CYB5B: variants seen among roughly 807,000 people sequenced by gnomAD.
The protein encoded by CYB5B is cytochrome b5 type B (outer mitochondrial membrane).
In CYB5B, 14 loss-of-function variants were observed where a neutral mutation model predicts 21.3. The observed-to-expected ratio is 0.66, with a 90% CI of 0.43 to 1.03. The LOEUF is 1.03. Ranked by LOEUF, CYB5B falls within the 50% of genes least tolerant of loss-of-function variation. The pLI, the probability that CYB5B is intolerant of heterozygous loss-of-function variation, is 0.00. For missense variants in CYB5B, 166 were observed against 185.1 expected (o/e 0.90, Z 0.60); for synonymous variants, 69 against 68.4 (o/e 1.01, Z -0.04).
chr16:69,447,980 T>C, intron 2 of CYB5B, 135 bp from the exon 3 acceptor site: 2 of 875,396 alleles, frequency 2.3e-6, no homozygotes, highest in Non-Finnish European at 3.6e-6. Flanking sequence ...GGTATCTTTC[T>C]ATGGATCCTC....
chr16:69,441,246 C>G (rs546977887), intron 1 of CYB5B, among the ~76,000 whole-genome samples: 1 of 151,678 alleles, frequency 6.6e-6, no homozygotes, highest in Non-Finnish European at 1.5e-5. Context: ...CTCCGCCTCC[C>G]GCGTTCAAGT....
At chr16:69,436,086 T>C (rs2014757242) in intron 1 of CYB5B, among the ~76,000 whole-genome samples, 1 of 152,242 alleles carries the variant, frequency 6.6e-6, no homozygotes, top group Non-Finnish European at 1.5e-5. Flanking sequence ...TACTTTCATT[T>C]ATTTATTCAT....
chr16:69,434,759 A>C (rs1003972398), intron 1 of CYB5B, among the ~76,000 whole-genome samples: 13 of 150,384 alleles, frequency 8.6e-5, no homozygotes, highest in African/African-American at 3.2e-4. Flanking sequence ...GCTACTTGGG[A>C]GGCTGAGGCA....
At chr16:69,456,427 ATTTG>A (rs1286368793) in intron 3 of CYB5B, among the ~76,000 whole-genome samples, 1 of 152,218 alleles carries the variant, frequency 6.6e-6, no homozygotes, top group African/African-American at 2.4e-5. Context: ...CTTAACAGCA[ATTTG>A]TTTTAGAACC....
intron 1 of CYB5B, among the ~76,000 whole-genome samples, chr16:69,436,450 G>T (rs1383838164): frequency 6.6e-6 from 1 of 152,114 alleles, no homozygotes; most frequent in African/African-American, 2.4e-5. Context: ...CAGCCAGCTG[G>T]TTTGCCTCTC....
At chr16:69,448,367 T>C in intron 3 of CYB5B, 1 of 545,552 alleles carries the variant, frequency 1.8e-6, no homozygotes, top group Non-Finnish European at 3.2e-6. Flanking sequence ...TATACGCTTT[T>C]TTTTTTTAAC....
chr16:69,432,804 CT>C (rs1208253665), intron 1 of CYB5B, among the ~76,000 whole-genome samples: 8 of 148,390 alleles, frequency 5.4e-5, no homozygotes, highest in East Asian at 2.0e-4. Context: ...GCCTGTACTC[CT>C]TTTTTTTTTG....
chr16:69,437,665 C>T (rs760595371), intron 1 of CYB5B, among the ~76,000 whole-genome samples: 3 of 152,034 alleles, frequency 2.0e-5, no homozygotes, highest in African/African-American at 7.3e-5. Context: ...AATTCAGTGG[C>T]GTTAATTACG....
In CYB5B at chr16:69,464,977, G is replaced by A. The variant is rs895871467; in HGVS notation, c.*2457G>A. ...AAAGCTAAATCTTGTGTGAGAGTTT[G>A]CAGAGGTTTTTCTATACAATAAAGT... On this transcript the variant is annotated 3_prime_UTR_variant, in exon 5 of 5. Transcript: ENST00000307892. 7.2e-5 allele frequency: 11 copies of A among 152,548 alleles called. No homozygotes were observed. Among genetic ancestry groups the A allele is most frequent in the African/African-American group, 2.7e-4 (11 of 41,450 alleles). 9.4% of individuals were successfully genotyped at this position (152,548 alleles called of 1,614,324 possible).
At chr16:69,441,393 A>T (rs1225502500) in intron 1 of CYB5B, among the ~76,000 whole-genome samples, 2 of 152,110 alleles carry the variant, frequency 1.3e-5, no homozygotes, top group Non-Finnish European at 2.9e-5. Context: ...TGACCTCGTG[A>T]TCCGCCCGCC....
intron 3 of CYB5B, chr16:69,449,782 A>G (rs2014914236): frequency 6.6e-6 from 1 of 152,370 alleles, no homozygotes; most frequent in South Asian, 2.1e-4. Context: ...GGTGATAAGT[A>G]GGTAGCTAAG....
Position 69,463,958 on chromosome 16 carries a change from C to G in CYB5B, c.*1438C>G, listed in dbSNP as rs2015061480. 6.6e-6 allele frequency: 1 copy of G among 152,186 alleles called. No homozygotes were observed. The highest frequency in any genetic ancestry group is 6.5e-5 in the Admixed American group (1 of 15,268). 9.4% of individuals were successfully genotyped at this position (152,186 alleles called of 1,614,324 possible). A position where few individuals can be genotyped will look rare whatever the true frequency, so the allele number is the denominator to read the frequency against. ...TAGTACACTGGCTGTTTTCTGCCAG[C>G]AACTGTGGTGATTTTTCTCCCTGTC... On this transcript the variant is annotated 3_prime_UTR_variant, in exon 5 of 5. Transcript: ENST00000307892.
chr16:69,441,817 G>A (rs571526397), intron 1 of CYB5B, among the ~76,000 whole-genome samples: 1 of 152,130 alleles, frequency 6.6e-6, no homozygotes, highest in Admixed American at 6.5e-5. Flanking sequence ...TACTTAACCT[G>A]TCTTTGATGA....
intron 3 of CYB5B, among the ~76,000 whole-genome samples, chr16:69,453,526 A>T (rs2014955545): frequency 6.6e-6 from 1 of 151,936 alleles, no homozygotes; most frequent in South Asian, 2.1e-4. Flanking sequence ...TTGTCTGGTT[A>T]TTTCCTGATT....
At chr16:69,453,167 A>G (rs1281294215) in intron 3 of CYB5B, among the ~76,000 whole-genome samples, 5 of 152,124 alleles carry the variant, frequency 3.3e-5, no homozygotes, top group Non-Finnish European at 7.3e-5. Flanking sequence ...TTTTTAACTT[A>G]AGAAGCTTGA....
chr16:69,452,898 C>G (rs2014950043), intron 3 of CYB5B, among the ~76,000 whole-genome samples: 1 of 149,446 alleles, frequency 6.7e-6, no homozygotes, highest in Non-Finnish European at 1.5e-5. Context: ...ACTCGGGAGG[C>G]TGAGGCAGGA....
At position 69,462,611 on chromosome 16, in the gene CYB5B, C is replaced by G. The variant is rs2015046502; in HGVS notation, c.*91C>G. 2 of 1,045,050 alleles carry G rather than the reference C, an allele frequency of 1.9e-6. No individual in the cohort carries two copies. The highest frequency in any genetic ancestry group is 2.9e-6 in the Non-Finnish European group (2 of 682,154). The allele number at this position is 1,045,050 out of a possible 1,614,324, so 64.7% of individuals were successfully genotyped here. On this transcript the variant is annotated 3_prime_UTR_variant, in exon 5 of 5. Coordinates refer to ENST00000307892, the MANE Select transcript of CYB5B (RefSeq NM_030579.3). ...CTGCAGAAGTGCCCTCTCCTCGAAT[C>G]CTGCCAGTTGCATTCTTCCCCCTTG...
At chr16:69,430,298 C>T (rs1418594458) in intron 1 of CYB5B, among the ~76,000 whole-genome samples, 2 of 152,036 alleles carry the variant, frequency 1.3e-5, no homozygotes, top group East Asian at 3.9e-4. Flanking sequence ...CTCACTGCAG[C>T]CTCTGCCTCC....
At chr16:69,452,932 G>T (rs1204145176) in intron 3 of CYB5B, among the ~76,000 whole-genome samples, 3 of 151,316 alleles carry the variant, frequency 2.0e-5, no homozygotes, top group African/African-American at 7.3e-5. Flanking sequence ...CCGGGAGGCG[G>T]AGGTTGCAAT....
Sources: gnomAD v4.1 joint callset for allele counts (sites outside exome capture counted in the v4.1 genomes callset) on GRCh38, gnomAD v4.1.1 for gene constraint, MANE v1.5 for transcripts, NCBI Gene and HGNC (gene_info 2026-07-23, HGNC 2026-07-21) for gene names.